Variants in PRDM11 observed in about 807,000 individuals in gnomAD.
PRDM11 encodes PR domain-containing protein 11.
Under a neutral mutation model 97.8 loss-of-function variants are expected in PRDM11, and 20 were observed. That is an observed-to-expected ratio of 0.20 (90% CI 0.14 to 0.30). PRDM11 has a LOEUF of 0.30. Ranked by LOEUF, PRDM11 falls within the 10% of genes least tolerant of loss-of-function variation. PRDM11 has a pLI of 1.00. For synonymous variants in PRDM11, 599 were observed against 637.7 expected, an observed-to-expected ratio of 0.94 and a Z score of 0.91; for missense variants, 1,139 against 1,555.2, an observed-to-expected ratio of 0.73 and a Z score of 4.50.
rs115405990 is a variant in PRDM11, at chr11:45,150,138, C to T, written c.-7+3261C>T. ...TTTGTCATGTTCTGCCTCACATGGG[C>T]CTTCCTCATGCTGTTCCTTCTGCCC... is the stretch of plus-strand genomic sequence containing the variant. On this transcript the variant is annotated intron_variant, in intron 1 of 7. Transcript: ENST00000683152. 6.0e-3 allele frequency among the ~76,000 whole-genome samples: 918 copies of T among 152,238 alleles called. 11 individuals are homozygous for T. The highest frequency in any genetic ancestry group is 0.021 in the African/African-American group (871 of 41,530).
At chr11:45,126,636 C>G (rs944572798) in intron 1 of PRDM11, among the ~76,000 whole-genome samples, 1 of 152,160 alleles carries the variant, frequency 6.6e-6, no homozygotes, top group African/African-American at 2.4e-5. Flanking sequence ...GTTGAAAATT[C>G]TTTTCTTTAA....
chr11:45,158,415 C>A (rs532168269), intron 1 of PRDM11, among the ~76,000 whole-genome samples: 1 of 152,342 alleles, frequency 6.6e-6, no homozygotes, highest in East Asian at 1.9e-4. Flanking sequence ...AGCAGCAGGC[C>A]GGGCTGTCTG....
chr11:45,144,836 C>G (rs568680480), upstream of PRDM11, among the ~76,000 whole-genome samples: 37 of 152,346 alleles, frequency 2.4e-4, no homozygotes, highest in African/African-American at 8.7e-4. Flanking sequence ...CTTTTCTCGG[C>G]CGGGCACTTG....
rs1185287850 is a variant in PRDM11, at chr11:45,229,269, A to C, written c.*1110A>C. On this transcript the variant is annotated 3_prime_UTR_variant, in exon 8 of 8. Coordinates refer to ENST00000683152, the MANE Select transcript of PRDM11 (RefSeq NM_001384648.1). The stretch of plus-strand genomic sequence containing the variant: ...GTAGTGTCAATGCAAATTGTGCCCT[A>C]AGTTATGCATAACTCAAATGAGAGT... 6.6e-6 allele frequency: 1 copy of C among 152,176 alleles called. No individual in the cohort carries two copies. Among genetic ancestry groups the C allele is most frequent in the Non-Finnish European group, 1.5e-5 (1 of 68,036 alleles). The allele number at this position is 152,176 out of a possible 1,614,324, so 9.4% of individuals were successfully genotyped here. A position where few individuals can be genotyped will look rare whatever the true frequency, so the allele number is the denominator to read the frequency against.
Position 45,099,445 on chromosome 11 carries a change from C to T in PRDM11, c.96+3544C>T, listed in dbSNP as rs1164909241. Among the ~76,000 whole-genome samples the T allele has an allele frequency of 5.0e-5, 6 of 120,748 alleles. No homozygotes were observed. In the East Asian group the frequency reaches 8.8e-4, roughly 18 times the overall value. The allele number at this position is 120,748 out of a possible 152,430, so 79.2% of individuals were successfully genotyped here. On this transcript the variant is annotated intron_variant, in intron 1 of 6. Transcript: ENST00000530656. Reference sequence around the variant, plus strand: ...CAGCCTGGGTAACAGAGTGAGACTCCATCTTAAAAAAAAAAAAAAAAAAAA... The same window carrying T: ...CAGCCTGGGTAACAGAGTGAGACTCTATCTTAAAAAAAAAAAAAAAAAAAA...
At chr11:45,194,266 T>C (rs1214921530) in intron 4 of PRDM11, among the ~76,000 whole-genome samples, 2 of 152,196 alleles carry the variant, frequency 1.3e-5, no homozygotes, top group Non-Finnish European at 2.9e-5. Context: ...GAATTAAAAA[T>C]TCTTAGAGAA....
Position 45,183,017 on chromosome 11 carries a change from G to A in PRDM11, c.380G>A (p.Ser127Asn), listed in dbSNP as rs1350115886. Residue 127 changes from serine (S) to asparagine (N), a missense_variant, in exon 4 of 8, where the codon AGT becomes AAT. By Grantham distance (46) the Ser-to-Asn change is conservative. This residue lies in a region of PRDM11 where 429 missense variants were observed against 510.3 expected (regional missense o/e 0.84). Coordinates refer to ENST00000683152, the MANE Select transcript of PRDM11 (RefSeq NM_001384648.1). ...MEVVKDTSGE[S>N]DVRCVNEVIP... ...GTGGTCAAGGACACTAGTGGAGAGA[G>A]TGACGTGCGATGTGTAAACGAGGTC... 5.0e-6 allele frequency: 8 copies of A among 1,614,024 alleles called. No individual in the cohort carries two copies. Among genetic ancestry groups the A allele is most frequent in the Admixed American group, 1.7e-5 (1 of 60,008 alleles).
chr11:45,187,799 CGTGTGTGTGTGTGT>C (rs61613469), intron 4 of PRDM11, among the ~76,000 whole-genome samples: 1 of 147,090 alleles, frequency 6.8e-6, no homozygotes, highest in South Asian at 2.2e-4. Flanking sequence ...AAGAAAAGTT[CGTGTGTGTGTGTGT>C]GTGTGTGTGT....
chr11:45,188,761 C>T (rs768565490), intron 4 of PRDM11, among the ~76,000 whole-genome samples: 14 of 152,210 alleles, frequency 9.2e-5, no homozygotes. Context: ...GATTCATTGC[C>T]AAGATCACCC....
Position 45,227,056 on chromosome 11 carries a change from A to G in PRDM11, c.2431A>G (p.Thr811Ala). ...GTGCGAGCTGCGGTCCACGGCGGCC[A>G]CCCTTTGTGAGGAGACAGAGTTCCT... The part of the protein sequence containing the change: ...LMCELRSTAA[T>A]LCEETEFLGD... Residue 811 changes from threonine to alanine, a missense_variant, in exon 8 of 8, where the codon ACC (threonine) becomes GCC (alanine). Transcript: ENST00000683152. The surrounding 1 kb of genome is among the most constrained non-coding windows in gnomAD (Gnocchi z 8.0). 6.5e-7 allele frequency: 1 copy of G among 1,533,866 alleles called. No homozygotes were observed. Among genetic ancestry groups the G allele is most frequent in the Non-Finnish European group, 8.7e-7 (1 of 1,146,726 alleles).
intron 6 of PRDM11, among the ~76,000 whole-genome samples, chr11:45,223,827 G>C (rs191465851): frequency 2.0e-5 from 3 of 152,156 alleles, no homozygotes; most frequent in Non-Finnish European, 4.4e-5. Context: ...AAGCTGCAAA[G>C]GTTGGGGGAG....
Position 45,226,155 on chromosome 11 carries a change from A to G in PRDM11, c.1530A>G (p.Glu510=), listed in dbSNP as rs1054353424. The G allele has an allele frequency of 3.3e-6, 5 of 1,533,282 alleles. No homozygotes were observed. The African/African-American group carries it at 5.5e-5, about 17-fold the overall frequency. The allele number at this position is 1,533,282 out of a possible 1,614,324, so 95.0% of individuals were successfully genotyped here. A position where few individuals can be genotyped will look rare whatever the true frequency, so the allele number is the denominator to read the frequency against. Residue 510 remains glutamate, a synonymous_variant, in exon 8 of 8, where the codon GAA becomes GAG. Transcript: ENST00000683152. The part of the protein sequence containing the change: ...TGRRIRRFKQ[E]WLKKFWFLRY... ...GCCGAATCCGGCGCTTTAAGCAGGA[A>G]TGGCTGAAGAAGTTCTGGTTCCTGC...
chr11:45,124,998 T>C (rs1411886082), intron 1 of PRDM11, among the ~76,000 whole-genome samples: 1 of 152,204 alleles, frequency 6.6e-6, no homozygotes, highest in African/African-American at 2.4e-5. Context: ...AAGCTATTGA[T>C]TATTGCCACA....
At position 45,182,310 on chromosome 11, in the gene PRDM11, C is replaced by T. The variant is rs756548810; in HGVS notation, c.184C>T (p.Leu62Phe). 3 of 1,614,052 alleles carry T rather than the reference C, an allele frequency of 1.9e-6. No individual in the cohort carries two copies. The highest frequency in any genetic ancestry group is 2.5e-6 in the Non-Finnish European group (3 of 1,180,020). Residue 62 changes from leucine to phenylalanine, a missense_variant, in exon 3 of 8, where the codon CTC (leucine) becomes TTC (phenylalanine). Physicochemically the swap from Leu to Phe is conservative, Grantham distance 22. Around this residue, in one of 2 missense-constraint regions of PRDM11, gnomAD observed 429 missense variants for 510.3 expected, o/e 0.84. Coordinates refer to ENST00000683152, the MANE Select transcript of PRDM11 (RefSeq NM_001384648.1). ...EPKKLKGKRD[L>F]IVPKSFQQVD... The stretch of plus-strand genomic sequence containing the variant: ...CAAGAAACTGAAGGGGAAGCGCGAC[C>T]TCATCGTGCCCAAAAGCTTCCAGCA...
At chr11:45,177,259 G>T (rs1303027246) in intron 1 of PRDM11, among the ~76,000 whole-genome samples, 1 of 152,362 alleles carries the variant, frequency 6.6e-6, no homozygotes, top group East Asian at 1.9e-4. Flanking sequence ...CTCACTGCTG[G>T]GTTTGCAACA....
chr11:45,142,509 A>G (rs901723), upstream of PRDM11, among the ~76,000 whole-genome samples: 28 of 152,026 alleles, frequency 1.8e-4, no homozygotes, highest in African/African-American at 6.5e-4. Context: ...CTCCCACGCC[A>G]CTATTCCCAT....
At chr11:45,114,385 G>C (rs942539885) in intron 1 of PRDM11, among the ~76,000 whole-genome samples, 1 of 152,050 alleles carries the variant, frequency 6.6e-6, no homozygotes, top group Non-Finnish European at 1.5e-5. Flanking sequence ...TAAATAGAAA[G>C]TATCTAATCT....
intron 1 of PRDM11, among the ~76,000 whole-genome samples, chr11:45,151,357 T>C (rs1451538183): frequency 2.0e-5 from 3 of 152,236 alleles, no homozygotes; most frequent in African/African-American, 4.8e-5. Flanking sequence ...AATTGTGCTG[T>C]TGTTTTCTAA....
chr11:45,150,709 C>T (rs145868166), intron 1 of PRDM11, among the ~76,000 whole-genome samples: 10 of 152,244 alleles, frequency 6.6e-5, no homozygotes, highest in South Asian at 2.1e-4. Flanking sequence ...AACATTGACT[C>T]GAGGTCCCTG....
Sources: allele counts gnomAD v4.1 joint callset (sites outside exome capture counted in the v4.1 genomes callset), GRCh38; gene constraint gnomAD v4.1.1; regional missense constraint gnomAD v4.1.1; non-coding constraint Gnocchi (gnomAD v3.1); transcripts MANE v1.5; gene names NCBI Gene and HGNC (gene_info 2026-07-23, HGNC 2026-07-21).